Variants in EPB41L5 observed in about 807,000 individuals in gnomAD.
The protein encoded by EPB41L5 is band 4.1-like protein 5.
EPB41L5 carries 55 observed loss-of-function variants against 106.6 expected under a neutral mutation model. That is an observed-to-expected ratio of 0.52 (90% CI 0.42 to 0.65). EPB41L5 has a LOEUF of 0.65. EPB41L5 is among the 30% of genes least tolerant of loss of function. EPB41L5 has a pLI of 0.00. For missense variants in EPB41L5, 871 were observed against 882.1 expected (o/e 0.99, Z 0.16); for synonymous variants, 297 against 306.7 (o/e 0.97, Z 0.33).
At chr2:120,028,401 GGT>G (rs1678483013) in intron 2 of EPB41L5, among the ~76,000 whole-genome samples, 1 of 151,986 alleles carries the variant, frequency 6.6e-6, no homozygotes, top group South Asian at 2.1e-4. Flanking sequence ...CAGGTGTCAT[GGT>G]GGACACTTGT....
chr2:120,064,596 A>G (rs1481656657), intron 3 of EPB41L5, among the ~76,000 whole-genome samples: 1 of 152,204 alleles, frequency 6.6e-6, no homozygotes, highest in African/African-American at 2.4e-5. Context: ...TTCCATGCCT[A>G]GTTCGATAGG....
At chr2:120,014,992 A>G (rs1193554475) in intron 1 of EPB41L5, among the ~76,000 whole-genome samples, 2 of 150,154 alleles carry the variant, frequency 1.3e-5, no homozygotes, top group Admixed American at 1.3e-4. Context: ...AAAACCCACA[A>G]CTTTTAGTGA....
At chr2:120,089,997 G>A (rs912123665) in intron 11 of EPB41L5, among the ~76,000 whole-genome samples, 24 of 152,134 alleles carry the variant, frequency 1.6e-4, no homozygotes, top group African/African-American at 5.5e-4. Flanking sequence ...TGACAAAAAT[G>A]TGAGCATTTT....
intron 3 of EPB41L5, among the ~76,000 whole-genome samples, chr2:120,070,495 T>A (rs1030360849): frequency 1.2e-4 from 18 of 152,236 alleles, no homozygotes; most frequent in Non-Finnish European, 2.1e-4. Flanking sequence ...GCCAGCATCA[T>A]CCTGTTACCA....
chr2:120,173,688 T>C lies in EPB41L5; in HGVS notation c.2136-1153T>C, dbSNP rs1687792506. The stretch of plus-strand genomic sequence containing the variant: ...GTACTTTGATATCGTTTTACATCTT[T>C]AAACTTTTTTTAGAGACAGTGTCTC... On this transcript the variant is annotated intron_variant, in intron 24 of 24. Coordinates refer to ENST00000263713, the MANE Select transcript of EPB41L5 (RefSeq NM_020909.4). 3.9e-5 allele frequency among the ~76,000 whole-genome samples: 6 copies of C among 152,246 alleles called. No homozygotes were observed. In the South Asian group the frequency reaches 1.2e-3, roughly 32 times the overall value.
In EPB41L5 at chr2:120,090,398, T is replaced by C; in HGVS notation, c.925T>C (p.Cys309Arg). The change falls in exon 12 of 25, where the codon TGC becomes CGC. Residue 309 changes from cysteine to arginine, a missense_variant. Transcript: ENST00000263713. The stretch of plus-strand genomic sequence containing the variant: ...CTTTAGACTGGATCATCCAAAAGCA[T>C]GCAAACATTTATGGAAATGTGCTGT... ...FVFRLDHPKA[C>R]KHLWKCAVEH... The C allele has an allele frequency of 1.9e-6, 3 of 1,613,582 alleles. No homozygotes were observed. Among genetic ancestry groups the C allele is most frequent in the Non-Finnish European group, 2.5e-6 (3 of 1,179,768 alleles).
intron 2 of EPB41L5, among the ~76,000 whole-genome samples, chr2:120,038,950 AC>A (rs1466290440): frequency 3.9e-5 from 6 of 152,242 alleles, no homozygotes; most frequent in African/African-American, 1.4e-4. Flanking sequence ...GAAGAAGTAA[AC>A]AGAATGGTAT....
chr2:120,066,631 G>A (rs1681461065), intron 3 of EPB41L5, among the ~76,000 whole-genome samples: 1 of 152,124 alleles, frequency 6.6e-6, no homozygotes, highest in African/African-American at 2.4e-5. Context: ...AAGGCACATA[G>A]TTATTTTTGA....
intron 24 of EPB41L5, among the ~76,000 whole-genome samples, chr2:120,170,576 A>ACTGAGAAAGCAGTAGAGT (rs1687632130): frequency 1.3e-5 from 2 of 152,242 alleles, no homozygotes; most frequent in African/African-American, 4.8e-5. Flanking sequence ...TAGCATGCAA[A>ACTGAGAAAGCAGTAGAGT]CTGAGAAAGC....
intron 3 of EPB41L5, among the ~76,000 whole-genome samples, chr2:120,060,327 A>G: frequency 6.6e-6 from 1 of 152,226 alleles, no homozygotes; most frequent in East Asian, 1.9e-4. Flanking sequence ...TGTTCATAGC[A>G]TCTTTATTTG....
intron 2 of EPB41L5, among the ~76,000 whole-genome samples, chr2:120,030,602 G>C (rs751161569): frequency 1.3e-5 from 2 of 152,190 alleles, no homozygotes; most frequent in Non-Finnish European, 2.9e-5. Context: ...TGCCCAGGCT[G>C]AAGTGCAGTG....
intron 24 of EPB41L5, among the ~76,000 whole-genome samples, chr2:120,174,560 C>T (rs527615140): frequency 2.6e-5 from 4 of 152,142 alleles, no homozygotes; most frequent in East Asian, 1.9e-4. Flanking sequence ...CATACTAACC[C>T]TGACTCATTA....
chr2:120,077,255 C>T lies in EPB41L5; in HGVS notation c.653C>T (p.Thr218Ile), dbSNP rs368937285. The change falls in exon 9 of 25, where the codon ACC becomes ATC. Residue 218 changes from threonine to isoleucine, a missense_variant. Physicochemically the swap from Thr to Ile is moderately conservative, Grantham distance 89. Transcript: ENST00000263713. Reference protein sequence around the residue: ...YRGQTPAQAETNYLNKAKWLE... With the variant: ...YRGQTPAQAEINYLNKAKWLE... Reference sequence around the variant, plus strand: ...GGTCAAACACCAGCACAGGCTGAAACCAATTATCTGAATAAAGCCAAATGG... The same window carrying T: ...GGTCAAACACCAGCACAGGCTGAAATCAATTATCTGAATAAAGCCAAATGG... 2 of 1,611,100 alleles carry T rather than the reference C, an allele frequency of 1.2e-6. No individual in the cohort carries two copies. Among genetic ancestry groups the T allele is most frequent in the Non-Finnish European group, 1.7e-6 (2 of 1,178,182 alleles).
At chr2:120,053,886 A>G (rs935816482) in intron 3 of EPB41L5, among the ~76,000 whole-genome samples, 1 of 152,126 alleles carries the variant, frequency 6.6e-6, no homozygotes, top group Non-Finnish European at 1.5e-5. Flanking sequence ...ACTTGGCAAA[A>G]CACTTGTCTC....
At chr2:120,071,132 C>A (rs1182712639) in intron 3 of EPB41L5, among the ~76,000 whole-genome samples, 2 of 152,212 alleles carry the variant, frequency 1.3e-5, no homozygotes, top group African/African-American at 4.8e-5. Flanking sequence ...TAAGTAACTT[C>A]AGCAAAGTCT....
At chr2:120,019,341 G>C in intron 2 of EPB41L5, 77 bp downstream of exon 2, 1 of 1,357,156 alleles carries the variant, frequency 7.4e-7, no homozygotes, top group South Asian at 1.3e-5. Context: ...CTTTGTATTG[G>C]TAACTTCTGG....
chr2:120,018,651 T>C (rs887399124), intron 1 of EPB41L5, among the ~76,000 whole-genome samples: 1 of 152,044 alleles, frequency 6.6e-6, no homozygotes, highest in Non-Finnish European at 1.5e-5. Context: ...TTGTTTTTTA[T>C]TTACTTATTT....
intron 3 of EPB41L5, 108 bp downstream of exon 3, chr2:120,042,218 A>G (rs761854142): frequency 1.9e-5 from 15 of 784,664 alleles, no homozygotes; most frequent in Non-Finnish European, 2.7e-5. Context: ...TTATTGTGAT[A>G]TAAAGCTTTG....
rs377469841 is a variant in EPB41L5 at position 120,087,283 on chromosome 2, G to A, written c.873+43G>A. ...TTCTATTACTTGTGTAACAGTGACT[G>A]TATTATGTGGTAACTTATTTCTCTA... On this transcript the variant is annotated intron_variant, in intron 11 of 24. Transcript: ENST00000263713. The A allele has an allele frequency of 4.6e-5, 52 of 1,141,446 alleles. No individual in the cohort carries two copies. In the Admixed American group the frequency reaches 5.9e-4, roughly 13 times the overall value. The allele number at this position is 1,141,446 out of a possible 1,614,324, so 70.7% of individuals were successfully genotyped here. A position where few individuals can be genotyped will look rare whatever the true frequency, so the allele number is the denominator to read the frequency against.
Sources: allele counts gnomAD v4.1 joint callset (sites outside exome capture counted in the v4.1 genomes callset), GRCh38; gene constraint gnomAD v4.1.1; transcripts MANE v1.5; gene names NCBI Gene and HGNC (gene_info 2026-07-23, HGNC 2026-07-21).